The following BDP1 variants were observed in gnomAD, a reference collection of about 807,000 sequenced individuals.
The protein encoded by BDP1 is BDP1 general transcription factor IIIB subunit, also known as transcription factor TFIIIB component B'' homolog.
In BDP1, 169 loss-of-function variants were observed where a neutral mutation model predicts 266.6. The ratio of observed to expected loss-of-function variants is 0.63; its 90% CI spans 0.56 to 0.72. The LOEUF (loss-of-function observed/expected upper bound fraction) is 0.72. BDP1 is among the 30% of genes least tolerant of loss of function. BDP1 has a pLI of 0.00. For synonymous variants in BDP1, 1,090 were observed against 1,022.4 expected (o/e 1.07, Z -1.26); for missense variants, 3,015 against 3,053.8 (o/e 0.99, Z 0.30).
intron 38 of BDP1, 183 bp downstream of exon 38, chr5:71,562,703 TTA>T (rs1323759068): frequency 6.7e-7 from 1 of 1,490,362 alleles, no homozygotes; most frequent in Non-Finnish European, 9.0e-7. Context: ...AGTCAGGAAG[TTA>T]CAGTTAGATT....
chr5:71,469,856 T>C (rs1330920721), intron 6 of BDP1, among the ~76,000 whole-genome samples: 3 of 151,100 alleles, frequency 2.0e-5, no homozygotes. Flanking sequence ...TTTTTTTTTT[T>C]TTGAGATGGA....
chr5:71,478,032 C>T (rs912547281), intron 7 of BDP1, among the ~76,000 whole-genome samples: 1 of 152,160 alleles, frequency 6.6e-6, no homozygotes, highest in African/African-American at 2.4e-5. Context: ...AGGCGGATCA[C>T]CTGAGGTTGG....
Position 71,497,240 on chromosome 5 carries a change from G to A in BDP1, c.1800-30G>A, listed in dbSNP as rs769795463. The A allele has an allele frequency of 7.5e-6, 12 of 1,597,822 alleles. No individual in the cohort carries two copies. The Admixed American group carries it at 1.3e-4, about 18-fold the overall frequency. Reference sequence around the variant, plus strand: ...TTCATTTGGACATGACTGCATGTTTGATGCTATTTAAATAATGTTAATTTT... The same window carrying A: ...TTCATTTGGACATGACTGCATGTTTAATGCTATTTAAATAATGTTAATTTT... On this transcript the variant is annotated intron_variant, in intron 12 of 38. Coordinates refer to ENST00000358731, the MANE Select transcript of BDP1 (RefSeq NM_018429.3).
intron 16 of BDP1, among the ~76,000 whole-genome samples, chr5:71,505,334 A>C (rs1764520839): frequency 6.6e-6 from 1 of 152,134 alleles, no homozygotes; most frequent in Admixed American, 6.6e-5. Context: ...TGCATATTGA[A>C]ATATATGTTT....
At position 71,560,015 on chromosome 5, in the gene BDP1, C is replaced by T; in HGVS notation, c.7274C>T (p.Thr2425Ile). 6.2e-7 allele frequency: 1 copy of T among 1,613,804 alleles called. No individual in the cohort carries two copies. Among genetic ancestry groups the T allele is most frequent in the South Asian group, 1.1e-5 (1 of 91,070 alleles). The change falls in exon 37 of 39, where the codon ACC becomes ATC. Residue 2425 changes from threonine to isoleucine, a missense_variant. Thr to Ile is a moderately conservative substitution (Grantham distance 89). Transcript: ENST00000358731. ...ESHKGQDIFL[T>I]SGSTLTTPEP... ...CACAAGGGACAAGATATTTTTCTTACCTCAGGAAGCACACTGACAACTCCA... is the reference window on the plus strand; with the variant it reads ...CACAAGGGACAAGATATTTTTCTTATCTCAGGAAGCACACTGACAACTCCA...
chr5:71,477,721 A>G (rs1160386783), intron 7 of BDP1, among the ~76,000 whole-genome samples: 1 of 151,496 alleles, frequency 6.6e-6, no homozygotes, highest in Non-Finnish European at 1.5e-5. Flanking sequence ...CTTGAGCTCA[A>G]GTAATCCTTC....
At position 71,565,818 on chromosome 5, in the gene BDP1, A is replaced by T. The variant is rs1743995946; in HGVS notation, c.*933A>T. The T allele has an allele frequency of 1.3e-5, 2 of 152,714 alleles. No homozygotes were observed. Among genetic ancestry groups the T allele is most frequent in the African/African-American group, 4.8e-5 (2 of 41,474 alleles). 9.5% of individuals were successfully genotyped at this position (152,714 alleles called of 1,614,324 possible). On this transcript the variant is annotated 3_prime_UTR_variant, in exon 39 of 39. Coordinates refer to ENST00000358731, the MANE Select transcript of BDP1 (RefSeq NM_018429.3). ...AGCTGTTTGTCTGACTGAAAAATAC[A>T]TATTTTTCTAATTCATGGTGATGTA...
In BDP1 at chr5:71,497,314, G is replaced by A. The variant is rs764898261; in HGVS notation, c.1844G>A (p.Arg615His). The A allele has an allele frequency of 8.1e-6, 13 of 1,613,612 alleles. No individual in the cohort carries two copies. The highest frequency in any genetic ancestry group is 3.3e-5 in the Admixed American group (2 of 59,988). Residue 615 changes from arginine to histidine, a missense_variant, in exon 13 of 39, where the codon CGC becomes CAC. Coordinates refer to ENST00000358731, the MANE Select transcript of BDP1 (RefSeq NM_018429.3). Reference sequence around the variant, plus strand: ...AATGTTAAACCAATGTTGAGAGGTCGCTTCCAAAGACCTAAACCCAATTTG... The same window carrying A: ...AATGTTAAACCAATGTTGAGAGGTCACTTCCAAAGACCTAAACCCAATTTG... ...TENVKPMLRG[R>H]FQRPKPNLSR...
At chr5:71,495,497 G>T in intron 12 of BDP1, 89 bp downstream of exon 12, 1 of 798,714 alleles carries the variant, frequency 1.3e-6, no homozygotes, top group South Asian at 2.6e-5. Context: ...GGATTCGAGG[G>T]GATTATTAAT....
chr5:71,536,482 A>G (rs999908234), intron 26 of BDP1, among the ~76,000 whole-genome samples: 3 of 152,202 alleles, frequency 2.0e-5, no homozygotes, highest in Non-Finnish European at 4.4e-5. Flanking sequence ...TAGAGTGCAT[A>G]CAATTCTGAC....
In BDP1 at chr5:71,455,889, GGCACGCCTTAGCGTGAA is replaced by G; in HGVS notation, c.15_31del (p.Arg6GlufsTer58). ...CCCCTGCCTCCGCCATGTTCCGCAG[GGCACGCCTTAGCGTGAA>G]GCCGAATGTCAGGCCTGGTGTAGGC... On this transcript the variant is annotated frameshift_variant, in exon 1 of 39. Coordinates refer to ENST00000358731, the MANE Select transcript of BDP1 (RefSeq NM_018429.3). LOFTEE classifies it high-confidence loss of function. The G allele has an allele frequency of 6.3e-7, 1 of 1,590,972 alleles. No individual in the cohort carries two copies.
chr5:71,519,738 A>C (rs1380892386), intron 22 of BDP1, among the ~76,000 whole-genome samples: 1 of 152,156 alleles, frequency 6.6e-6, no homozygotes, highest in African/African-American at 2.4e-5. Flanking sequence ...GGTTGATATT[A>C]TGTGTTGGCT....
At chr5:71,496,221 G>A (rs1763881808) in intron 12 of BDP1, among the ~76,000 whole-genome samples, 2 of 134,098 alleles carry the variant, frequency 1.5e-5, no homozygotes, top group African/African-American at 2.8e-5. Context: ...CAGCCTGGGC[G>A]ACAGAGCGAG....
chr5:71,527,287 G>C (rs912498895), intron 25 of BDP1, among the ~76,000 whole-genome samples: 7 of 152,212 alleles, frequency 4.6e-5, no homozygotes, highest in Non-Finnish European at 8.8e-5. Flanking sequence ...CAAGATACAA[G>C]ATACAAACAC....
chr5:71,467,334 TA>T lies in BDP1; in HGVS notation c.786-15del. 6.4e-7 allele frequency: 1 copy of T among 1,567,278 alleles called. No individual in the cohort carries two copies. Among genetic ancestry groups the T allele is most frequent in the Non-Finnish European group, 8.7e-7 (1 of 1,145,730 alleles). On this transcript the variant is annotated intron_variant, in intron 5 of 38. Transcript: ENST00000358731. ...TCCTTGTTTTTAGTATACATCTATT[TA>T]AAAATGTGTTTATTTCAGTTTAACT...
Position 71,566,202 on chromosome 5 carries a change from A to T in BDP1, c.*1317A>T, listed in dbSNP as rs926750857. ...AACTCAACTTTATTTATGAGACAAA[A>T]TTTCCATACAAAGCTCAATCTCCTT... On this transcript the variant is annotated 3_prime_UTR_variant, in exon 39 of 39. Transcript: ENST00000358731. The T allele has an allele frequency of 6.5e-6, 1 of 153,086 alleles. No homozygotes were observed. Among genetic ancestry groups the T allele is most frequent in the Non-Finnish European group, 1.5e-5 (1 of 68,402 alleles). The allele number at this position is 153,086 out of a possible 1,614,324, so 9.5% of individuals were successfully genotyped here.
chr5:71,525,546 TCC>T (rs1765783043), intron 25 of BDP1, among the ~76,000 whole-genome samples: 1 of 55,240 alleles, frequency 1.8e-5, no homozygotes. Flanking sequence ...GGGGCTGACC[TCC>T]CCACCTCCCT....
chr5:71,565,930 T>G lies in BDP1; in HGVS notation c.*1045T>G, dbSNP rs116007942. On this transcript the variant is annotated 3_prime_UTR_variant, in exon 39 of 39. Coordinates refer to ENST00000358731, the MANE Select transcript of BDP1 (RefSeq NM_018429.3). ...AAGGGCTTATTTATTTTTAAATTTT[T>G]TATTTAAAAGGATATTCAGTTTTAG... 0.026 allele frequency: 4,443 copies of G among 168,530 alleles called. 90 individuals carry two copies. The highest frequency in any genetic ancestry group is 0.072 in the South Asian group (645 of 8,912). 10.4% of individuals were successfully genotyped at this position (168,530 alleles called of 1,614,324 possible).
At chr5:71,504,531 C>T in intron 15 of BDP1, 90 bp from the exon 16 acceptor site, 45 of 1,152,794 alleles carry the variant, frequency 3.9e-5, no homozygotes, top group South Asian at 1.4e-4. Flanking sequence ...AATTTTTTAC[C>T]ATTTTATACT....
Sources: gnomAD v4.1 joint callset for allele counts (sites outside exome capture counted in the v4.1 genomes callset) on GRCh38, gnomAD v4.1.1 for gene constraint, MANE v1.5 for transcripts, NCBI Gene and HGNC (gene_info 2026-07-23, HGNC 2026-07-21) for gene names.